ARHGAP10: variants seen among roughly 807,000 people sequenced by gnomAD.
ARHGAP10 encodes rho GTPase-activating protein 10.
ARHGAP10 carries 87 observed loss-of-function variants against 108.6 expected under a neutral mutation model. That is an observed-to-expected ratio of 0.80 (90% CI 0.67 to 0.96). The LOEUF is 0.96. Ranked by LOEUF, ARHGAP10 falls within the 40% of genes least tolerant of loss-of-function variation. The probability of loss-of-function intolerance (pLI) is 0.00; values close to 1 mark genes in which losing one functional copy is unlikely to be tolerated. For missense variants in ARHGAP10, 939 were observed against 954.5 expected, an observed-to-expected ratio of 0.98 and a Z score of 0.21; for synonymous variants, 347 against 341.1, an observed-to-expected ratio of 1.02 and a Z score of -0.19.
intron 10 of ARHGAP10, 92 bp from the exon 11 acceptor site, chr4:147,906,546 T>TAA (rs35780665): frequency 0.011 from 8,960 of 846,590 alleles, no homozygotes; most frequent in Non-Finnish European, 0.013. Context: ...CAGATAAAAG[T>TAA]AAAAAAAAAA....
At position 147,822,743 on chromosome 4, in the gene ARHGAP10, G is replaced by A; in HGVS notation, c.171G>A (p.Gln57=). The A allele has an allele frequency of 1.9e-6, 3 of 1,614,224 alleles. No homozygotes were observed. The highest frequency in any genetic ancestry group is 2.5e-6 in the Non-Finnish European group (3 of 1,180,036). The change falls in exon 2 of 23, where the codon CAG becomes CAA. Residue 57 remains glutamine (Q), a synonymous_variant. Transcript: ENST00000336498. ...IAATKSLSVA[Q]RKFAHSLRDF... ...TCTTTCTAGGTCTGTCAGTGGCCCA[G>A]CGGAAGTTTGCTCATTCACTCAGAG...
chr4:147,984,826 C>T (rs1016851347), intron 18 of ARHGAP10, among the ~76,000 whole-genome samples: 1 of 152,220 alleles, frequency 6.6e-6, no homozygotes, highest in African/African-American at 2.4e-5. Flanking sequence ...GGGAAACTCT[C>T]TGTTGCCTCA....
chr4:147,963,404 C>T (rs1028520700), intron 16 of ARHGAP10, among the ~76,000 whole-genome samples: 1 of 152,226 alleles, frequency 6.6e-6, no homozygotes, highest in Admixed American at 6.5e-5. Context: ...AAAACCGTTT[C>T]TAACCTTCTT....
intron 19 of ARHGAP10, among the ~76,000 whole-genome samples, chr4:148,039,791 T>G (rs888524728): frequency 4.6e-5 from 7 of 152,202 alleles, no homozygotes; most frequent in African/African-American, 1.7e-4. Flanking sequence ...TTTGGCACTC[T>G]CAGTCCTTTA....
chr4:147,906,768 C>G (rs774497035), intron 11 of ARHGAP10, 49 bp downstream of exon 11: 1 of 1,594,064 alleles, frequency 6.3e-7, no homozygotes, highest in African/African-American at 1.3e-5. Flanking sequence ...TTAGAGTTGA[C>G]TTGCATTCAT....
intron 1 of ARHGAP10, among the ~76,000 whole-genome samples, chr4:147,784,319 A>G (rs1002631033): frequency 3.7e-5 from 5 of 136,534 alleles, no homozygotes; most frequent in Admixed American, 8.0e-5. Context: ...ATTTTATATT[A>G]CATAATTTAC....
chr4:148,072,391 A>T lies in ARHGAP10; in HGVS notation c.*310A>T. On this transcript the variant is annotated 3_prime_UTR_variant, in exon 23 of 23. Transcript: ENST00000336498. Reference sequence around the variant, plus strand: ...ATGAGAGGGAGGGCAGCCTTCTGCCACCTGTGTCGCCTCCACTGGCAGTCA... The same window carrying T: ...ATGAGAGGGAGGGCAGCCTTCTGCCTCCTGTGTCGCCTCCACTGGCAGTCA... 1 of 306,784 alleles carries T rather than the reference A, an allele frequency of 3.3e-6. No homozygotes were observed. The highest frequency in any genetic ancestry group is 6.0e-6 in the Non-Finnish European group (1 of 167,104). 19.0% of individuals were successfully genotyped at this position (306,784 alleles called of 1,614,324 possible). A position where few individuals can be genotyped will look rare whatever the true frequency, so the allele number is the denominator to read the frequency against.
At chr4:147,811,048 C>T (rs563091211) in intron 1 of ARHGAP10, among the ~76,000 whole-genome samples, 29 of 152,358 alleles carry the variant, frequency 1.9e-4, no homozygotes, top group Middle Eastern at 3.4e-3. Context: ...CCTAGCTCCT[C>T]GCCTTAATCC....
At chr4:147,908,714 T>C (rs1056903331) in intron 11 of ARHGAP10, among the ~76,000 whole-genome samples, 2 of 152,216 alleles carry the variant, frequency 1.3e-5, no homozygotes, top group African/African-American at 4.8e-5. Context: ...GAAATATTGG[T>C]GAAAACATGA....
intron 19 of ARHGAP10, among the ~76,000 whole-genome samples, chr4:148,035,283 A>T (rs1047263509): frequency 1.3e-5 from 2 of 152,198 alleles, no homozygotes; most frequent in African/African-American, 4.8e-5. Context: ...AAATGTACTT[A>T]TTAAGTTTAT....
At chr4:147,892,595 AGTGTGGG>A (rs1735830942) in intron 10 of ARHGAP10, among the ~76,000 whole-genome samples, 1 of 150,096 alleles carries the variant, frequency 6.7e-6, no homozygotes, top group African/African-American at 2.4e-5. Context: ...GTTGGCTGGG[AGTGTGGG>A]GTTGGCTGGA....
At chr4:147,782,816 C>G (rs1233802308) in intron 1 of ARHGAP10, 3 of 148,178 alleles carry the variant, frequency 2.0e-5, no homozygotes, top group Non-Finnish European at 3.0e-5. Flanking sequence ...CACAGCTCAG[C>G]TAGTCTCTAA....
chr4:147,800,796 T>G (rs578179586), intron 1 of ARHGAP10, among the ~76,000 whole-genome samples: 1 of 152,302 alleles, frequency 6.6e-6, no homozygotes, highest in African/African-American at 2.4e-5. Flanking sequence ...GTCTTGTGCC[T>G]TGTCATTCAT....
Position 147,906,712 on chromosome 4 carries a change from A to G in ARHGAP10, c.1109A>G (p.Lys370Arg), listed in dbSNP as rs1356645948. Residue 370 changes from lysine to arginine, a missense_variant, in exon 11 of 23, where the codon AAG becomes AGG. Coordinates refer to ENST00000336498, the MANE Select transcript of ARHGAP10 (RefSeq NM_024605.4). ...RKQWLEALGGKEALSHSFNTA... is the reference protein window; with the variant it reads ...RKQWLEALGGREALSHSFNTA... ...CAGTGGTTGGAAGCTCTGGGTGGAA[A>G]GGAAGCTGTAAGAATAATCAATGGT... 1 of 1,614,064 alleles carries G rather than the reference A, an allele frequency of 6.2e-7. No individual in the cohort carries two copies. The highest frequency in any genetic ancestry group is 8.5e-7 in the Non-Finnish European group (1 of 1,180,016).
rs1732642215 is a variant in ARHGAP10, at chr4:147,824,878, A to G, written c.312+1921A>G. ...AGCCAGGAGCTGTTCTAAGCTGTTT[A>G]CCTAATGCTAAGTCACTGAATTCTC... On this transcript the variant is annotated intron_variant, in intron 3 of 22. Transcript: ENST00000336498. 6.6e-5 allele frequency among the ~76,000 whole-genome samples: 10 copies of G among 152,298 alleles called. No homozygotes were observed. In the South Asian group the frequency reaches 2.1e-3, roughly 32 times the overall value.
chr4:148,045,630 C>T (rs1288175080), intron 19 of ARHGAP10, among the ~76,000 whole-genome samples: 2 of 147,848 alleles, frequency 1.4e-5, no homozygotes, highest in Non-Finnish European at 3.0e-5. Flanking sequence ...CCCAACTACT[C>T]GGGAGGCTGA....
intron 10 of ARHGAP10, among the ~76,000 whole-genome samples, chr4:147,886,133 C>T (rs1735544314): frequency 6.6e-6 from 1 of 152,160 alleles, no homozygotes; most frequent in Admixed American, 6.5e-5. Flanking sequence ...CCCAAGATAC[C>T]TCATTTCGTA....
At chr4:147,888,099 C>T (rs558815955) in intron 10 of ARHGAP10, among the ~76,000 whole-genome samples, 8 of 152,270 alleles carry the variant, frequency 5.3e-5, no homozygotes, top group South Asian at 2.1e-4. Flanking sequence ...CACTCCCTCT[C>T]GCATCACTGG....
At chr4:148,055,951 C>T (rs930383679) in intron 20 of ARHGAP10, among the ~76,000 whole-genome samples, 4 of 152,172 alleles carry the variant, frequency 2.6e-5, no homozygotes, top group African/African-American at 9.7e-5. Flanking sequence ...CACGTCCCTT[C>T]CAGGCTTCTT....
Sources: allele counts gnomAD v4.1 joint callset (sites outside exome capture counted in the v4.1 genomes callset), GRCh38; gene constraint gnomAD v4.1.1; transcripts MANE v1.5; gene names NCBI Gene and HGNC (gene_info 2026-07-23, HGNC 2026-07-21).